Variants in ADAM17 observed in about 807,000 individuals in gnomAD.
ADAM17 encodes disintegrin and metalloproteinase domain-containing protein 17.
A neutral mutation model predicts 96.7 loss-of-function variants in ADAM17; 39 were observed. The ratio of observed to expected loss-of-function variants is 0.40; its 90% CI spans 0.31 to 0.53. The LOEUF (loss-of-function observed/expected upper bound fraction) is 0.53, where lower values mean the gene tolerates loss of function less well. Ranked by LOEUF, ADAM17 falls within the 20% of genes least tolerant of loss-of-function variation. ADAM17 has a pLI of 0.44. For synonymous variants in ADAM17, 344 were observed against 359.2 expected, an observed-to-expected ratio of 0.96 and a Z score of 0.48; for missense variants, 777 against 1,013.2, an observed-to-expected ratio of 0.77 and a Z score of 3.17.
Position 9,489,260 on chromosome 2 carries a change from T to A in ADAM17, c.*917A>T, listed in dbSNP as rs1297507391. 3.5e-5 allele frequency: 1 copy of A among 28,388 alleles called. No individual in the cohort carries two copies. Among genetic ancestry groups the A allele is most frequent in the Admixed American group, 2.3e-4 (1 of 4,316 alleles). The allele number at this position is 28,388 out of a possible 1,614,324, so 1.8% of individuals were successfully genotyped here. A position where few individuals can be genotyped will look rare whatever the true frequency, so the allele number is the denominator to read the frequency against. On this transcript the variant is annotated 3_prime_UTR_variant, in exon 19 of 19. Transcript: ENST00000310823. Reference sequence around the variant, plus strand: ...ATATTCTAGGTTTGTAGATAGTGAATTTTTTTTTTTTTTTTTTTTTTTTGA... The same window carrying A: ...ATATTCTAGGTTTGTAGATAGTGAAATTTTTTTTTTTTTTTTTTTTTTTGA...
intron 7 of ADAM17, 99 bp from the exon 8 acceptor site, chr2:9,521,415 A>AG: frequency 3.4e-6 from 3 of 894,944 alleles, no homozygotes; most frequent in Non-Finnish European, 5.0e-6. Context: ...GAATCGTTCT[A>AG]GAAAAAAAAC....
At position 9,555,522 on chromosome 2, in the gene ADAM17, GGGGCCGAAGCCCGGGTCATCCGGA is replaced by G; in HGVS notation, c.60_83del (p.Pro21_Pro28del). ...CTGGGTCTTTACCGAGTCTCTGGTG[GGGGCCGAAGCCCGGGTCATCCGGA>G]GGTCGCGGCGCCAGCACGAAAGGAA... On this transcript the variant is annotated inframe_deletion, in exon 1 of 19. Coordinates refer to ENST00000310823, the MANE Select transcript of ADAM17 (RefSeq NM_003183.6). 2 of 1,598,218 alleles carry G rather than the reference GGGGCCGAAGCCCGGGTCATCCGGA, an allele frequency of 1.3e-6. No individual in the cohort carries two copies. Among genetic ancestry groups the G allele is most frequent in the Non-Finnish European group, 1.7e-6 (2 of 1,172,300 alleles).
chr2:9,538,563 A>C (rs1355075334), intron 2 of ADAM17, among the ~76,000 whole-genome samples: 4 of 152,174 alleles, frequency 2.6e-5, no homozygotes, highest in Non-Finnish European at 4.4e-5. Flanking sequence ...TACTTATTAT[A>C]AATGTCTTAT....
intron 1 of ADAM17, 108 bp from the exon 2 acceptor site, chr2:9,543,393 G>GA: frequency 2.0e-6 from 2 of 997,620 alleles, no homozygotes; most frequent in Non-Finnish European, 2.7e-6. Context: ...AATCCATTAG[G>GA]AAGTGCCAAG....
chr2:9,552,934 T>C (rs1665627539), intron 1 of ADAM17, among the ~76,000 whole-genome samples: 1 of 152,210 alleles, frequency 6.6e-6, no homozygotes, highest in Non-Finnish European at 1.5e-5. Flanking sequence ...AATATAGTAG[T>C]ATTTGTAGGA....
rs1662449439 is a variant in ADAM17 at position 9,494,877 on chromosome 2, A to T, written c.1784-110T>A. The stretch of plus-strand genomic sequence containing the variant: ...CCCAAAGAGGTAAGAAATCACATTT[A>T]TTTTTTATTTAAATAGCTAATACTA... On this transcript the variant is annotated intron_variant, in intron 14 of 18. Transcript: ENST00000310823. 1.2e-5 allele frequency: 17 copies of T among 1,371,756 alleles called. No individual in the cohort carries two copies. The East Asian group carries it at 3.4e-4, about 27-fold the overall frequency. The allele number at this position is 1,371,756 out of a possible 1,614,324, so 85.0% of individuals were successfully genotyped here.
intron 8 of ADAM17, among the ~76,000 whole-genome samples, chr2:9,519,847 G>A (rs1349022726): frequency 1.3e-5 from 2 of 152,206 alleles, no homozygotes; most frequent in Admixed American, 6.5e-5. Context: ...TTCCAGAACT[G>A]TGAAAACCCA....
chr2:9,494,165 T>C (rs1263908903), intron 15 of ADAM17, among the ~76,000 whole-genome samples: 1 of 152,134 alleles, frequency 6.6e-6, no homozygotes, highest in African/African-American at 2.4e-5. Context: ...TGAAGCCTCG[T>C]AAATCTTAAA....
In ADAM17 at chr2:9,489,773, A is replaced by G. The variant is rs529615832; in HGVS notation, c.*404T>C. 1 of 151,730 alleles carries G rather than the reference A, an allele frequency of 6.6e-6. No homozygotes were observed. Among genetic ancestry groups the G allele is most frequent in the Non-Finnish European group, 1.5e-5 (1 of 68,662 alleles). The allele number at this position is 151,730 out of a possible 1,614,324, so 9.4% of individuals were successfully genotyped here. On this transcript the variant is annotated 3_prime_UTR_variant, in exon 19 of 19. Transcript: ENST00000310823. ...AACTATTCCAGTTGTCATCACAAAT[A>G]AATGCCAAATGCCTCATATTCAGCG...
chr2:9,494,417 A>G (rs2124965852), intron 15 of ADAM17, among the ~76,000 whole-genome samples: 1 of 152,284 alleles, frequency 6.6e-6, no homozygotes, highest in East Asian at 1.9e-4. Flanking sequence ...AGTCCTTCTC[A>G]GTCTCTGGGC....
Position 9,517,984 on chromosome 2 carries a change from A to G in ADAM17, c.1108T>C (p.Tyr370His). The change falls in exon 10 of 19, where the codon TAT becomes CAT. Residue 370 changes from tyrosine (Y) to histidine (H), a missense_variant. Physicochemically the swap from Tyr to His is moderately conservative, Grantham distance 83. Around this residue, in one of 3 missense-constraint regions of ADAM17, gnomAD observed 446 missense variants for 664.7 expected, o/e 0.67. Coordinates refer to ENST00000310823, the MANE Select transcript of ADAM17 (RefSeq NM_003183.6). ...ATATTTTTCTTCCCAACTGGGCTATAATAAGCTAAAGTCAAAAGGAAACAG... is the reference window on the plus strand; with the variant it reads ...ATATTTTTCTTCCCAACTGGGCTATGATAAGCTAAAGTCAAAAGGAAACAG... ...SHGGVCPKAY[Y>H]SPVGKKNIYL... The G allele has an allele frequency of 1.3e-6, 2 of 1,598,668 alleles. No individual in the cohort carries two copies. Among genetic ancestry groups the G allele is most frequent in the Non-Finnish European group, 1.7e-6 (2 of 1,175,330 alleles).
intron 4 of ADAM17, among the ~76,000 whole-genome samples, chr2:9,533,439 C>A (rs935095431): frequency 2.0e-5 from 3 of 151,726 alleles, no homozygotes; most frequent in Non-Finnish European, 2.9e-5. Context: ...CCCAGCTACT[C>A]GGGAGGCTGA....
At chr2:9,543,855 A>G (rs1288081808) in intron 1 of ADAM17, among the ~76,000 whole-genome samples, 1 of 152,230 alleles carries the variant, frequency 6.6e-6, no homozygotes, top group Non-Finnish European at 1.5e-5. Flanking sequence ...TTGATAGTAC[A>G]GTACAGAAAT....
intron 2 of ADAM17, among the ~76,000 whole-genome samples, chr2:9,538,325 G>T (rs1025547714): frequency 2.0e-5 from 3 of 152,144 alleles, no homozygotes; most frequent in Non-Finnish European, 4.4e-5. Flanking sequence ...CTACCGGAAA[G>T]AAATCTAGAC....
chr2:9,507,923 G>A (rs1221598689), intron 11 of ADAM17, among the ~76,000 whole-genome samples: 2 of 152,044 alleles, frequency 1.3e-5, no homozygotes, highest in African/African-American at 4.8e-5. Context: ...TGTTGTCCAG[G>A]CTGATCCTGA....
intron 10 of ADAM17, among the ~76,000 whole-genome samples, chr2:9,514,115 C>T (rs1375130692): frequency 6.6e-6 from 1 of 151,718 alleles, no homozygotes; most frequent in African/African-American, 2.4e-5. Flanking sequence ...TCAACATTGT[C>T]CAACAATGAT....
At chr2:9,507,523 T>C (rs1472389037) in intron 11 of ADAM17, among the ~76,000 whole-genome samples, 5 of 152,048 alleles carry the variant, frequency 3.3e-5, no homozygotes, top group Admixed American at 1.3e-4. Context: ...TAAATAATAA[T>C]AAATAAATAA....
chr2:9,505,317 T>TA lies in ADAM17; in HGVS notation c.1392dup (p.Lys465Ter), dbSNP rs1358241402. The TA allele has an allele frequency of 6.2e-7, 1 of 1,614,190 alleles. No individual in the cohort carries two copies. Among genetic ancestry groups the TA allele is most frequent in the Non-Finnish European group, 8.5e-7 (1 of 1,180,030 alleles). ...CGTTCTTGAAAACACTCCTGGGCCT[T>TA]ACTTTCAATGGTCTTATAGATTGAT... is the stretch of plus-strand genomic sequence containing the variant. On this transcript the variant is annotated frameshift_variant, in exon 12 of 19. Transcript: ENST00000310823. LOFTEE classifies it high-confidence loss of function.
At chr2:9,492,465 TTG>T (rs535096962) in intron 17 of ADAM17, among the ~76,000 whole-genome samples, 66 of 152,314 alleles carry the variant, frequency 4.3e-4, no homozygotes, top group African/African-American at 1.6e-3. Context: ...TACATCCTAT[TTG>T]TGCAGAAGGC....
Sources: gnomAD v4.1 joint callset for allele counts (sites outside exome capture counted in the v4.1 genomes callset) on GRCh38, gnomAD v4.1.1 for gene constraint, gnomAD v4.1.1 regional missense constraint, MANE v1.5 for transcripts, NCBI Gene and HGNC (gene_info 2026-07-23, HGNC 2026-07-21) for gene names.